The following CLVS1 variants were observed in gnomAD, a reference collection of about 807,000 sequenced individuals.
CLVS1 encodes clavesin-1.
CLVS1 carries 10 observed loss-of-function variants against 33.1 expected under a neutral mutation model. The observed-to-expected ratio is 0.30, with a 90% CI of 0.19 to 0.51. CLVS1 has a LOEUF of 0.51. CLVS1 is among the 20% of genes least tolerant of loss of function. The pLI is 0.97. For missense variants in CLVS1, 343 were observed against 433.4 expected (o/e 0.79, Z 1.85); for synonymous variants, 163 against 166.1 (o/e 0.98, Z 0.14).
At position 61,500,880 on chromosome 8, in the gene CLVS1, A is replaced by AGAT. The variant is rs1275186468; in HGVS notation, c.*1339_*1341dup. The AGAT allele has an allele frequency of 3.3e-5, 5 of 152,334 alleles. No homozygotes were observed. Among genetic ancestry groups the AGAT allele is most frequent in the African/African-American group, 9.6e-5 (4 of 41,594 alleles). 9.4% of individuals were successfully genotyped at this position (152,334 alleles called of 1,614,324 possible). ...GTTAGCTAAATAATTCAAGGGAAAG[A>AGAT]GATTATTCAACTGGTCATAATCACC... On this transcript the variant is annotated 3_prime_UTR_variant, in exon 6 of 6. Coordinates refer to ENST00000325897, the MANE Select transcript of CLVS1 (RefSeq NM_173519.3).
chr8:61,323,650 C>CTT (rs543497983), intron 2 of CLVS1, among the ~76,000 whole-genome samples: 1 of 149,260 alleles, frequency 6.7e-6, no homozygotes, highest in African/African-American at 2.5e-5. Flanking sequence ...AGCAGTAACT[C>CTT]TTTTTTTTTT....
At chr8:61,470,053 A>C (rs1817683241) in intron 5 of CLVS1, among the ~76,000 whole-genome samples, 1 of 152,232 alleles carries the variant, frequency 6.6e-6, no homozygotes, top group Non-Finnish European at 1.5e-5. Flanking sequence ...CACAGATGCC[A>C]ATAGGAATTT....
At chr8:61,477,849 T>A (rs980822646) in intron 5 of CLVS1, among the ~76,000 whole-genome samples, 3 of 152,226 alleles carry the variant, frequency 2.0e-5, no homozygotes, top group Non-Finnish European at 2.9e-5. Flanking sequence ...AGCTTTTGAA[T>A]GTGTTAGCTC....
At chr8:61,488,720 A>G (rs1803963230) in intron 5 of CLVS1, among the ~76,000 whole-genome samples, 1 of 152,216 alleles carries the variant, frequency 6.6e-6, no homozygotes, top group Non-Finnish European at 1.5e-5. Context: ...TTTACAGATG[A>G]AAAACTGAGA....
chr8:61,113,939 A>G (rs1041311406), intron 1 of CLVS1, among the ~76,000 whole-genome samples: 3 of 152,194 alleles, frequency 2.0e-5, no homozygotes, highest in African/African-American at 7.2e-5. Flanking sequence ...GGCCCTGGGT[A>G]TATTCTTTAC....
At chr8:61,315,903 G>A (rs6982994) in intron 2 of CLVS1, among the ~76,000 whole-genome samples, 6 of 151,768 alleles carry the variant, frequency 4.0e-5, no homozygotes, top group Admixed American at 1.3e-4. Flanking sequence ...CAATAGGCCC[G>A]GGTGTGTGAT....
chr8:61,075,258 T>A (rs1299867829), intron 1 of CLVS1, among the ~76,000 whole-genome samples: 1 of 152,084 alleles, frequency 6.6e-6, no homozygotes, highest in African/African-American at 2.4e-5. Context: ...TGTGTGGAGA[T>A]CATTCTCCCC....
At chr8:61,273,732 C>A (rs1258535756) in intron 2 of CLVS1, among the ~76,000 whole-genome samples, 1 of 152,228 alleles carries the variant, frequency 6.6e-6, no homozygotes, top group Non-Finnish European at 1.5e-5. Flanking sequence ...GCGCAGTATT[C>A]GGGTGGGAGT....
At chr8:60,995,753 G>A in the CLVS1 span, among the ~76,000 whole-genome samples, 2 of 152,156 alleles carry the variant, frequency 1.3e-5, no homozygotes, top group Non-Finnish European at 2.9e-5. Context: ...CAAAGACTTG[G>A]AACCAACCCA....
upstream of CLVS1, among the ~76,000 whole-genome samples, chr8:61,287,683 A>G (rs1809817728): frequency 1.3e-5 from 2 of 152,170 alleles, no homozygotes; most frequent in Admixed American, 1.3e-4. Flanking sequence ...ATTTGTTAGT[A>G]AAATAATTCC....
At chr8:61,198,227 T>C (rs758944472) in intron 2 of CLVS1, among the ~76,000 whole-genome samples, 2 of 152,210 alleles carry the variant, frequency 1.3e-5, no homozygotes, top group African/African-American at 2.4e-5. Flanking sequence ...ACAATTATGC[T>C]CTTGAAAGTC....
chr8:60,982,495 C>T, the CLVS1 span, among the ~76,000 whole-genome samples: 11 of 152,176 alleles, frequency 7.2e-5, no homozygotes, highest in African/African-American at 2.4e-4. Context: ...TTTAAAAGGC[C>T]TATGTAAAGT....
At chr8:61,312,065 C>G (rs1444423749) in intron 2 of CLVS1, among the ~76,000 whole-genome samples, 1 of 152,236 alleles carries the variant, frequency 6.6e-6, no homozygotes, top group Non-Finnish European at 1.5e-5. Flanking sequence ...TGCACTGAAG[C>G]TCTTCTGGGC....
At chr8:61,334,689 A>G (rs1043889927) in intron 2 of CLVS1, among the ~76,000 whole-genome samples, 1 of 152,088 alleles carries the variant, frequency 6.6e-6, no homozygotes, top group Non-Finnish European at 1.5e-5. Context: ...GATACAGAGG[A>G]GAGGCACTTT....
chr8:61,392,719 G>A (rs1814354426), intron 3 of CLVS1, among the ~76,000 whole-genome samples: 2 of 151,722 alleles, frequency 1.3e-5, no homozygotes, highest in South Asian at 4.2e-4. Context: ...AACTAGCTGG[G>A]CTTGGTGCCA....
intron 1 of CLVS1, among the ~76,000 whole-genome samples, chr8:61,127,833 A>G (rs537646993): frequency 6.6e-6 from 1 of 152,230 alleles, no homozygotes; most frequent in Admixed American, 6.5e-5. Flanking sequence ...TCTATAAACC[A>G]TGTAAGACAA....
chr8:61,015,624 C>T, the CLVS1 span, among the ~76,000 whole-genome samples: 1 of 152,186 alleles, frequency 6.6e-6, no homozygotes, highest in Non-Finnish European at 1.5e-5. Flanking sequence ...CCATCCTGAA[C>T]ACACGTGGGA....
chr8:61,465,941 G>A (rs1586014189), intron 5 of CLVS1: 1 of 152,242 alleles, frequency 6.6e-6, no homozygotes, highest in African/African-American at 2.4e-5. Context: ...GGGATTACAG[G>A]CGTGAGCCAC....
At chr8:61,016,126 A>T in the CLVS1 span, among the ~76,000 whole-genome samples, 2,621 of 152,358 alleles carry the variant, frequency 0.017, 70 homozygotes, top group African/African-American at 0.059. Flanking sequence ...CAAATATTGT[A>T]TAAAATTACC....
Sources: allele counts gnomAD v4.1 joint callset (sites outside exome capture counted in the v4.1 genomes callset), GRCh38; gene constraint gnomAD v4.1.1; transcripts MANE v1.5; gene names NCBI Gene and HGNC (gene_info 2026-07-23, HGNC 2026-07-21).